The following SUPT3H variants were observed in gnomAD, a reference collection of about 807,000 sequenced individuals.
The protein encoded by SUPT3H is transcription initiation protein SPT3 homolog.
A neutral mutation model predicts 44.3 loss-of-function variants in SUPT3H; 44 were observed. The ratio of observed to expected loss-of-function variants is 0.99; its 90% CI spans 0.78 to 1.28. SUPT3H has a LOEUF of 1.28. SUPT3H is among the 50% of genes most tolerant of loss of function. The pLI, the probability that SUPT3H is intolerant of heterozygous loss-of-function variation, is 0.00. For synonymous variants in SUPT3H, 124 were observed against 125.6 expected, an observed-to-expected ratio of 0.99 and a Z score of 0.09; for missense variants, 380 against 387.1, an observed-to-expected ratio of 0.98 and a Z score of 0.15.
chr6:45,133,118 C>A (rs1803736739), intron 2 of SUPT3H, among the ~76,000 whole-genome samples: 1 of 152,056 alleles, frequency 6.6e-6, no homozygotes, highest in African/African-American at 2.4e-5. Context: ...ATTTCTTGCC[C>A]AATTCTACTT....
At chr6:45,073,230 T>TTTG (rs1794620205) in intron 3 of SUPT3H, among the ~76,000 whole-genome samples, 1 of 152,064 alleles carries the variant, frequency 6.6e-6, no homozygotes, top group Non-Finnish European at 1.5e-5. Context: ...ACCTACCAAC[T>TTTG]GAAAGCATTC....
At chr6:44,962,075 C>A (rs1776108212) in intron 6 of SUPT3H, among the ~76,000 whole-genome samples, 1 of 152,050 alleles carries the variant, frequency 6.6e-6, no homozygotes, top group Non-Finnish European at 1.5e-5. Context: ...AACTAAAGGA[C>A]CTCACGTCTA....
intron 1 of SUPT3H, among the ~76,000 whole-genome samples, chr6:45,368,255 G>A (rs186156455): frequency 6.6e-6 from 1 of 152,228 alleles, no homozygotes; most frequent in Admixed American, 6.5e-5. Context: ...GAGTTTAAAT[G>A]TGAACCCAAG....
chr6:44,954,673 C>G (rs780922770), intron 7 of SUPT3H, 66 bp from the exon 8 acceptor site: 11 of 876,152 alleles, frequency 1.3e-5, no homozygotes, highest in Non-Finnish European at 2.1e-5. Flanking sequence ...CTGCACATTA[C>G]TATCACAAAA....
intron 2 of SUPT3H, among the ~76,000 whole-genome samples, chr6:45,147,187 T>C (rs1251191401): frequency 6.6e-6 from 1 of 152,116 alleles, no homozygotes; most frequent in East Asian, 1.9e-4. Flanking sequence ...CCAAGGAGTC[T>C]TCAGTCTAGC....
At chr6:45,258,863 G>A (rs548617616) in intron 2 of SUPT3H, among the ~76,000 whole-genome samples, 1 of 152,198 alleles carries the variant, frequency 6.6e-6, no homozygotes, top group Non-Finnish European at 1.5e-5. Flanking sequence ...AGGCTTCAAA[G>A]TATCCCTTCC....
At chr6:44,997,183 A>T (rs1201695883) in intron 6 of SUPT3H, among the ~76,000 whole-genome samples, 1 of 151,794 alleles carries the variant, frequency 6.6e-6, no homozygotes, top group Non-Finnish European at 1.5e-5. Flanking sequence ...GAAGTCTAAT[A>T]TCATTTTATA....
chr6:45,037,643 G>A (rs1787883255), intron 3 of SUPT3H, among the ~76,000 whole-genome samples: 1 of 151,424 alleles, frequency 6.6e-6, no homozygotes. Context: ...CAGCCTGGAT[G>A]ACAGAGCGAG....
chr6:45,105,302 T>C (rs1206582956), intron 3 of SUPT3H, among the ~76,000 whole-genome samples: 1 of 152,092 alleles, frequency 6.6e-6, no homozygotes, highest in Non-Finnish European at 1.5e-5. Context: ...CTTACAAGGA[T>C]TAGAAGGCTA....
intron 10 of SUPT3H, among the ~76,000 whole-genome samples, chr6:44,873,454 G>A: frequency 2.5e-5 from 1 of 40,524 alleles, no homozygotes; most frequent in East Asian, 6.6e-4. Context: ...AAACCAACGA[G>A]AACAAAGACA....
intron 2 of SUPT3H, among the ~76,000 whole-genome samples, chr6:45,325,981 T>C (rs2150054497): frequency 6.6e-6 from 1 of 152,034 alleles, no homozygotes; most frequent in East Asian, 1.9e-4. Flanking sequence ...TTGATAGGCC[T>C]CACAGAGGAC....
chr6:45,051,610 C>T (rs1790313146), intron 3 of SUPT3H, among the ~76,000 whole-genome samples: 2 of 151,798 alleles, frequency 1.3e-5, no homozygotes, highest in Non-Finnish European at 2.9e-5. Flanking sequence ...AGTTAGTGGT[C>T]AGGAATTACT....
At chr6:44,869,685 G>A (rs1473624945) in intron 10 of SUPT3H, among the ~76,000 whole-genome samples, 3 of 152,168 alleles carry the variant, frequency 2.0e-5, no homozygotes, top group Non-Finnish European at 4.4e-5. Context: ...CTTGCTCTAA[G>A]ACTCCTTGAA....
intron 1 of SUPT3H, chr6:45,372,165 A>C (rs939439419): frequency 3.5e-6 from 1 of 288,998 alleles, no homozygotes; most frequent in African/African-American, 2.3e-5. Context: ...GTTAAATTAT[A>C]GGCTCTAACA....
At chr6:44,885,393 G>A (rs916170240) in intron 10 of SUPT3H, among the ~76,000 whole-genome samples, 7 of 151,848 alleles carry the variant, frequency 4.6e-5, no homozygotes, top group South Asian at 4.2e-4. Context: ...CACCTCACAC[G>A]TCCGGGTACT....
At chr6:45,365,725 T>C (rs1404185616) in intron 1 of SUPT3H, among the ~76,000 whole-genome samples, 1 of 149,702 alleles carries the variant, frequency 6.7e-6, no homozygotes, top group Non-Finnish European at 1.5e-5. Flanking sequence ...AACCCTGATT[T>C]TTCTAGTTGA....
At chr6:44,944,887 C>T (rs1283088174) in intron 9 of SUPT3H, among the ~76,000 whole-genome samples, 1 of 149,914 alleles carries the variant, frequency 6.7e-6, no homozygotes. Context: ...TTATATTTAT[C>T]TTTCAATACA....
At chr6:45,328,749 G>A (rs1786863240) in intron 2 of SUPT3H, 1 of 1,611,998 alleles carries the variant, frequency 6.2e-7, no homozygotes, top group African/African-American at 1.3e-5. Context: ...AGCCTCTTCA[G>A]CACAGTGACA....
At chr6:45,113,987 T>C (rs1389999597) in intron 2 of SUPT3H, among the ~76,000 whole-genome samples, 1 of 152,040 alleles carries the variant, frequency 6.6e-6, no homozygotes, top group East Asian at 1.9e-4. Context: ...GAGAAAACTT[T>C]TAGAATTTTA....
Sources: allele counts gnomAD v4.1 joint callset (sites outside exome capture counted in the v4.1 genomes callset), GRCh38; gene constraint gnomAD v4.1.1; transcripts MANE v1.5; gene names NCBI Gene and HGNC (gene_info 2026-07-23, HGNC 2026-07-21).